LHFPL6: variants seen among roughly 807,000 people sequenced by gnomAD.
LHFPL6 encodes the protein LHFPL tetraspan subfamily member 6 protein.
In LHFPL6, 9 loss-of-function variants were observed where a neutral mutation model predicts 20.6. That is an observed-to-expected ratio of 0.44 (90% CI 0.26 to 0.76). The LOEUF is 0.76. Among genes scored for constraint, LHFPL6 ranks in the 30% least tolerant of loss-of-function variants. The pLI, the probability that LHFPL6 is intolerant of heterozygous loss-of-function variation, is 0.20. For missense variants in LHFPL6, 218 were observed against 253.5 expected, an observed-to-expected ratio of 0.86 and a Z score of 0.95; for synonymous variants, 105 against 98.7, an observed-to-expected ratio of 1.06 and a Z score of -0.38.
intron 2 of LHFPL6, among the ~76,000 whole-genome samples, chr13:39,481,622 GCAAAGA>G (rs1593329808): frequency 1.3e-5 from 2 of 152,044 alleles, no homozygotes; most frequent in East Asian, 1.9e-4. Context: ...TTAAATAACA[GCAAAGA>G]CAAAGACAAA....
At chr13:39,441,455 G>A (rs1026226981) in intron 2 of LHFPL6, among the ~76,000 whole-genome samples, 1 of 151,952 alleles carries the variant, frequency 6.6e-6, no homozygotes, top group Non-Finnish European at 1.5e-5. Context: ...CCGCCTTCCT[G>A]ATATATTGCT....
intron 3 of LHFPL6, among the ~76,000 whole-genome samples, chr13:39,351,569 C>T (rs1869569130): frequency 6.6e-6 from 1 of 152,158 alleles, no homozygotes; most frequent in Admixed American, 6.5e-5. Flanking sequence ...CTTCAATTTG[C>T]CAGTCTTCTT....
intron 2 of LHFPL6, among the ~76,000 whole-genome samples, chr13:39,492,225 G>C (rs994715904): frequency 9.8e-5 from 15 of 152,314 alleles, no homozygotes; most frequent in Admixed American, 3.3e-4. Context: ...GGTGAAGATA[G>C]CAATTGTGGG....
At chr13:39,461,981 G>T (rs987314075) in intron 2 of LHFPL6, among the ~76,000 whole-genome samples, 3 of 150,392 alleles carry the variant, frequency 2.0e-5, no homozygotes, top group African/African-American at 7.4e-5. Flanking sequence ...AAAAAAAAAT[G>T]CCCTGTGGCT....
At chr13:39,425,351 T>C (rs1028884599) in intron 2 of LHFPL6, among the ~76,000 whole-genome samples, 2 of 152,212 alleles carry the variant, frequency 1.3e-5, no homozygotes, top group African/African-American at 2.4e-5. Flanking sequence ...TGCTTGACTA[T>C]TGCAAACAAA....
Position 39,358,090 on chromosome 13 carries a change from G to A in LHFPL6, c.485-14036C>T, listed in dbSNP as rs140120947. Among the ~76,000 whole-genome samples the A allele has an allele frequency of 1.0e-3, 154 of 152,008 alleles. 5 individuals are homozygous for A. The East Asian group carries it at 0.029, about 28-fold the overall frequency. On this transcript the variant is annotated intron_variant, in intron 3 of 3. Transcript: ENST00000379589. ...CCAAAAAAGAGCCCGAATAACCAAA[G>A]CAATCCTAAGAAAAAAGAATAAAGC...
At chr13:39,539,681 G>T (rs1406033678) in intron 2 of LHFPL6, among the ~76,000 whole-genome samples, 1 of 152,238 alleles carries the variant, frequency 6.6e-6, no homozygotes, top group East Asian at 1.9e-4. Context: ...AGCAGGTGCA[G>T]ATTCAATTAA....
chr13:39,387,941 C>G (rs535116913), intron 2 of LHFPL6, among the ~76,000 whole-genome samples: 4 of 152,174 alleles, frequency 2.6e-5, no homozygotes, highest in African/African-American at 9.7e-5. Context: ...GGAAACCCTG[C>G]AAATCCCTTT....
intron 3 of LHFPL6, among the ~76,000 whole-genome samples, chr13:39,350,684 A>C (rs75348312): frequency 0.011 from 1,632 of 152,332 alleles, 33 homozygotes; most frequent in African/African-American, 0.037. Context: ...GCTCCATCAA[A>C]CAGGACTCCA....
At chr13:39,409,092 C>G (rs938028062) in intron 2 of LHFPL6, among the ~76,000 whole-genome samples, 2 of 152,114 alleles carry the variant, frequency 1.3e-5, no homozygotes, top group Non-Finnish European at 2.9e-5. Context: ...CGCCAAATGC[C>G]TTTTGTTTCA....
intron 3 of LHFPL6, among the ~76,000 whole-genome samples, chr13:39,378,081 T>A (rs187700582): frequency 1.3e-3 from 193 of 152,362 alleles, no homozygotes; most frequent in Non-Finnish European, 2.1e-3. Context: ...ACTATTTTGT[T>A]GTCACCTCTT....
rs1327036873 is a variant in LHFPL6, at chr13:39,343,709, C to A, written c.*227G>T. 2.4e-6 allele frequency: 1 copy of A among 425,412 alleles called. No individual in the cohort carries two copies. The highest frequency in any genetic ancestry group is 4.2e-6 in the Non-Finnish European group (1 of 236,792). 26.4% of individuals were successfully genotyped at this position (425,412 alleles called of 1,614,324 possible). On this transcript the variant is annotated 3_prime_UTR_variant, in exon 4 of 4. Transcript: ENST00000379589. Reference sequence around the variant, plus strand: ...CCCGATGCCCTGCAATATTTTTAGCCTTTGGTCCATTTTTCTCCATCATTC... The same window carrying A: ...CCCGATGCCCTGCAATATTTTTAGCATTTGGTCCATTTTTCTCCATCATTC...
chr13:39,529,927 A>G lies in LHFPL6; in HGVS notation c.385+70905T>C, dbSNP rs377069657. Among the ~76,000 whole-genome samples, 27 of 152,382 alleles carry G rather than the reference A, an allele frequency of 1.8e-4. 1 individual carries two copies. In the East Asian group the frequency reaches 2.1e-3, roughly 12 times the overall value. On this transcript the variant is annotated intron_variant, in intron 2 of 3. Coordinates refer to ENST00000379589, the MANE Select transcript of LHFPL6 (RefSeq NM_005780.3). ...TTTTGCACGAAGTGTCAAGAAGAAA[A>G]AGGTTTTATGAAAGAGAAAATTTTA...
intron 2 of LHFPL6, among the ~76,000 whole-genome samples, chr13:39,509,698 G>A (rs993321659): frequency 6.6e-5 from 10 of 152,160 alleles, no homozygotes; most frequent in African/African-American, 2.4e-4. Context: ...AGTGGCTCAC[G>A]CCTGTAATCC....
At chr13:39,543,799 A>C (rs1223703438) in intron 2 of LHFPL6, among the ~76,000 whole-genome samples, 1 of 152,204 alleles carries the variant, frequency 6.6e-6, no homozygotes, top group East Asian at 1.9e-4. Context: ...GCCTAAAATA[A>C]AGGTGTTAAC....
intron 3 of LHFPL6, among the ~76,000 whole-genome samples, chr13:39,361,870 T>C (rs1869879718): frequency 6.6e-6 from 1 of 152,170 alleles, no homozygotes; most frequent in African/African-American, 2.4e-5. Context: ...TAGGAATTAC[T>C]CACTTAAGTA....
chr13:39,366,952 G>C (rs1368134998), intron 3 of LHFPL6, among the ~76,000 whole-genome samples: 1 of 152,186 alleles, frequency 6.6e-6, no homozygotes, highest in Non-Finnish European at 1.5e-5. Context: ...CTACTTCCAA[G>C]ACTGTTTACT....
At chr13:39,477,301 A>G (rs1403750743) in intron 2 of LHFPL6, among the ~76,000 whole-genome samples, 3 of 152,102 alleles carry the variant, frequency 2.0e-5, no homozygotes, top group Non-Finnish European at 1.5e-5. Context: ...AGTCAGAGCT[A>G]CCCTATTTGG....
At chr13:39,595,642 T>C (rs1292974827) in intron 2 of LHFPL6, among the ~76,000 whole-genome samples, 1 of 152,162 alleles carries the variant, frequency 6.6e-6, no homozygotes, top group Non-Finnish European at 1.5e-5. Flanking sequence ...ACTCCCACTG[T>C]TTCACCATGT....
Sources: allele counts gnomAD v4.1 joint callset (sites outside exome capture counted in the v4.1 genomes callset), GRCh38; gene constraint gnomAD v4.1.1; transcripts MANE v1.5; gene names NCBI Gene and HGNC (gene_info 2026-07-23, HGNC 2026-07-21).